FAM50B: variants seen among roughly 807,000 people sequenced by gnomAD.
The protein encoded by FAM50B is protein FAM50B.
FAM50B carries 9 observed loss-of-function variants against 25.4 expected under a neutral mutation model. That is an observed-to-expected ratio of 0.35 (90% CI 0.21 to 0.62). FAM50B has a LOEUF of 0.62. Among genes scored for constraint, FAM50B ranks in the 20% least tolerant of loss-of-function variants. FAM50B has a pLI of 0.73. For synonymous variants in FAM50B, 212 were observed against 204.3 expected (o/e 1.04, Z -0.32); for missense variants, 372 against 477.9 (o/e 0.78, Z 2.07).
the FAM50B span, among the ~76,000 whole-genome samples, chr6:3,842,287 G>A: frequency 6.6e-5 from 10 of 152,198 alleles, no homozygotes; most frequent in East Asian, 1.9e-4. Context: ...GCTGTGAAAC[G>A]TAGTGTGCGA....
chr6:3,847,395 A>C (rs757694841), upstream of FAM50B, among the ~76,000 whole-genome samples: 46 of 152,348 alleles, frequency 3.0e-4, no homozygotes, highest in Non-Finnish European at 5.1e-4. Flanking sequence ...TTCACCTTGC[A>C]CTTTATGTTA....
At chr6:3,847,287 T>C (rs1762134952), upstream of FAM50B, among the ~76,000 whole-genome samples, 1 of 152,388 alleles carries the variant, frequency 6.6e-6, no homozygotes, top group South Asian at 2.1e-4. Flanking sequence ...CTATTTTGTC[T>C]ACATTGAAAA....
In FAM50B at chr6:3,850,107, T is replaced by C; in HGVS notation, c.296T>C (p.Leu99Pro). 12 of 1,609,348 alleles carry C rather than the reference T, an allele frequency of 7.5e-6. No individual in the cohort carries two copies. Among genetic ancestry groups the C allele is most frequent in the Non-Finnish European group, 9.3e-6 (11 of 1,178,382 alleles). ...AKRQHLEEQRLQQERQREQEQ... is the reference protein window; with the variant it reads ...AKRQHLEEQRPQQERQREQEQ... ...CGCCAGCACCTGGAGGAGCAGCGGCTGCAGCAGGAGCGGCAGCGGGAGCAG... is the reference window on the plus strand; with the variant it reads ...CGCCAGCACCTGGAGGAGCAGCGGCCGCAGCAGGAGCGGCAGCGGGAGCAG... Residue 99 changes from leucine to proline, a missense_variant, in exon 2 of 2, where the codon CTG (leucine) becomes CCG (proline). By Grantham distance (98) the Leu-to-Pro change is moderately conservative. Transcript: ENST00000648326.
chr6:3,834,359 C>CAAAAAAAAAAAAAAAAAAAAAAAA, the FAM50B span, among the ~76,000 whole-genome samples: 1 of 75,048 alleles, frequency 1.3e-5, no homozygotes, highest in African/African-American at 4.4e-5. Flanking sequence ...TGATATATGG[C>CAAAAAAAAAAAAAAAAAAAAAAAA]AAAAAAAAAA....
Position 3,850,978 on chromosome 6 carries a change from G to C in FAM50B, c.*189G>C. ...TGGTTGCTTGGTTGGTCTTTTCTGA[G>C]TATTTTAGTGTTGCCACCTGGATTT... On this transcript the variant is annotated 3_prime_UTR_variant, in exon 2 of 2. Coordinates refer to ENST00000648326, the MANE Select transcript of FAM50B (RefSeq NM_012135.3). The C allele has an allele frequency of 1.1e-6, 1 of 930,100 alleles. No individual in the cohort carries two copies. Among genetic ancestry groups the C allele is most frequent in the Admixed American group, 3.0e-5 (1 of 33,884 alleles). The allele number at this position is 930,100 out of a possible 1,614,324, so 57.6% of individuals were successfully genotyped here.
At chr6:3,843,330 C>T in the FAM50B span, among the ~76,000 whole-genome samples, 2 of 152,168 alleles carry the variant, frequency 1.3e-5, 1 homozygote, top group African/African-American at 4.8e-5. Flanking sequence ...GAAAAATAGA[C>T]AGGAAACTGC....
At chr6:3,848,764 A>G (rs1373297051), upstream of FAM50B, among the ~76,000 whole-genome samples, 6 of 152,356 alleles carry the variant, frequency 3.9e-5, no homozygotes, top group East Asian at 9.6e-4. Context: ...ACTTTAACTC[A>G]GTGTCCCATG....
chr6:3,843,788 G>A, the FAM50B span, among the ~76,000 whole-genome samples: 3 of 152,170 alleles, frequency 2.0e-5, no homozygotes, highest in Non-Finnish European at 4.4e-5. Flanking sequence ...ATCCTTTGAA[G>A]GACTTCTGGT....
chr6:3,848,291 G>A (rs1762145683), upstream of FAM50B, among the ~76,000 whole-genome samples: 1 of 152,160 alleles, frequency 6.6e-6, no homozygotes, highest in Non-Finnish European at 1.5e-5. Context: ...CAATGAGAAG[G>A]CTTTAGATTA....
chr6:3,842,537 T>C, the FAM50B span, among the ~76,000 whole-genome samples: 2 of 152,212 alleles, frequency 1.3e-5, no homozygotes, highest in African/African-American at 4.8e-5. Context: ...CCACTCCCCT[T>C]GGCCCCTGGC....
the FAM50B span, among the ~76,000 whole-genome samples, chr6:3,838,693 T>C: frequency 4.4e-3 from 663 of 151,930 alleles, 4 homozygotes; most frequent in Middle Eastern, 0.024. Context: ...ATACAAAAAA[T>C]TAGCAGGCAT....
chr6:3,837,559 T>TA, the FAM50B span, among the ~76,000 whole-genome samples: 87 of 152,080 alleles, frequency 5.7e-4, no homozygotes, highest in Middle Eastern at 6.8e-3. Context: ...GACCAAAATA[T>TA]AAAAAAAATG....
chr6:3,843,243 A>G, the FAM50B span, among the ~76,000 whole-genome samples: 1 of 152,244 alleles, frequency 6.6e-6, no homozygotes, highest in Non-Finnish European at 1.5e-5. Context: ...TAGCAATGTA[A>G]GAATTATTAG....
At position 3,850,828 on chromosome 6, in the gene FAM50B, A is replaced by G. The variant is rs746249027; in HGVS notation, c.*39A>G. 6.2e-7 allele frequency: 1 copy of G among 1,601,136 alleles called. No homozygotes were observed. Among genetic ancestry groups the G allele is most frequent in the East Asian group, 2.2e-5 (1 of 44,710 alleles). On this transcript the variant is annotated 3_prime_UTR_variant, in exon 2 of 2. Transcript: ENST00000648326. ...GAGCGGAAACCGGGGGTGGGGGGAG[A>G]CACTCATTTCTAGGCCCCATCACCA...
In FAM50B at chr6:3,850,771, C is replaced by G; in HGVS notation, c.960C>G (p.Asp320Glu). Reference protein sequence around the residue: ...WEAYDPEKKWDKYTIR With the variant: ...WEAYDPEKKWEKYTIR Reference sequence around the variant, plus strand: ...CCTATGACCCCGAGAAGAAGTGGGACAAGTACACCATCCGCTAACACCCGC... The same window carrying G: ...CCTATGACCCCGAGAAGAAGTGGGAGAAGTACACCATCCGCTAACACCCGC... Residue 320 changes from aspartate to glutamate, a missense_variant, in exon 2 of 2, where the codon GAC becomes GAG. Asp to Glu is a conservative substitution (Grantham distance 45). This residue lies in a region of FAM50B where 57 missense variants were observed against 65.8 expected (regional missense o/e 0.87). Transcript: ENST00000648326. 1 of 1,613,770 alleles carries G rather than the reference C, an allele frequency of 6.2e-7. No individual in the cohort carries two copies. The highest frequency in any genetic ancestry group is 8.5e-7 in the Non-Finnish European group (1 of 1,179,944).
chr6:3,850,162 C>A lies in FAM50B; in HGVS notation c.351C>A (p.Ile117=). The change falls in exon 2 of 2, where the codon ATC becomes ATA. Residue 117 remains isoleucine (I), a synonymous_variant. Transcript: ENST00000648326. ...AGCGGCGCGAGCGCAAGCGTAAGATCTCCTGCCTGTCCTTTGCACTAGACG... is the reference window on the plus strand; with the variant it reads ...AGCGGCGCGAGCGCAAGCGTAAGATATCCTGCCTGTCCTTTGCACTAGACG... ...QEQRRERKRK[I]SCLSFALDDL... is the part of the protein sequence containing the mutation. The A allele has an allele frequency of 2.5e-6, 4 of 1,613,124 alleles. No homozygotes were observed. Among genetic ancestry groups the A allele is most frequent in the Non-Finnish European group, 3.4e-6 (4 of 1,179,794 alleles).
chr6:3,842,451 A>C, the FAM50B span, among the ~76,000 whole-genome samples: 1 of 152,162 alleles, frequency 6.6e-6, no homozygotes, highest in Non-Finnish European at 1.5e-5. Context: ...TTCCTGATAC[A>C]TTTAGTACAT....
upstream of FAM50B, among the ~76,000 whole-genome samples, chr6:3,848,306 A>G (rs1436459038): frequency 6.6e-6 from 1 of 152,232 alleles, no homozygotes; most frequent in Non-Finnish European, 1.5e-5. Context: ...AGATTAAAAA[A>G]AATGCTAATT....
the FAM50B span, among the ~76,000 whole-genome samples, chr6:3,837,325 G>A: frequency 9.2e-5 from 14 of 152,166 alleles, no homozygotes; most frequent in Non-Finnish European, 1.3e-4. Flanking sequence ...TCACATGCCT[G>A]ATGAAAGACT....
Sources: gnomAD v4.1 joint callset for allele counts (sites outside exome capture counted in the v4.1 genomes callset) on GRCh38, gnomAD v4.1.1 for gene constraint, gnomAD v4.1.1 regional missense constraint, MANE v1.5 for transcripts, NCBI Gene and HGNC (gene_info 2026-07-23, HGNC 2026-07-21) for gene names.